B4GALT6: variants seen among roughly 807,000 people sequenced by gnomAD.
B4GALT6 encodes the protein beta-1,4-galactosyltransferase 6.
B4GALT6 carries 14 observed loss-of-function variants against 46.3 expected under a neutral mutation model. The observed-to-expected ratio is 0.30, with a 90% CI of 0.20 to 0.47. The LOEUF (loss-of-function observed/expected upper bound fraction) is 0.47, where lower values mean the gene tolerates loss of function less well. Ranked by LOEUF, B4GALT6 falls within the 20% of genes least tolerant of loss-of-function variation. B4GALT6 has a pLI of 0.99. For missense variants in B4GALT6, 386 were observed against 480.1 expected, an observed-to-expected ratio of 0.80 and a Z score of 1.83; for synonymous variants, 168 against 162.0, an observed-to-expected ratio of 1.04 and a Z score of -0.28.
chr18:31,630,854 G>T, intron 6 of B4GALT6, 105 bp downstream of exon 6: 1 of 1,224,798 alleles, frequency 8.2e-7, no homozygotes, highest in Non-Finnish European at 1.2e-6. Context: ...ATATTCTTGG[G>T]GTTCTTGAGT....
chr18:31,645,241 T>C, intron 4 of B4GALT6, 114 bp downstream of exon 4: 1 of 1,404,824 alleles, frequency 7.1e-7, no homozygotes, highest in African/African-American at 1.5e-5. Context: ...AAACTTTTGA[T>C]GTTTTAAATT....
At chr18:31,661,458 C>T (rs1334431744) in intron 2 of B4GALT6, among the ~76,000 whole-genome samples, 1 of 152,164 alleles carries the variant, frequency 6.6e-6, no homozygotes, top group Admixed American at 6.5e-5. Context: ...CTTAAAAATG[C>T]AAGAATATGA....
chr18:31,700,533 T>G, the B4GALT6 span, among the ~76,000 whole-genome samples: 1 of 151,442 alleles, frequency 6.6e-6, no homozygotes, highest in African/African-American at 2.4e-5. Flanking sequence ...CTCAGCTCAC[T>G]GCAAGCTCTA....
the B4GALT6 span, chr18:31,724,201 GGCGCCA>G: frequency 3.6e-6 from 1 of 274,100 alleles, no homozygotes; most frequent in Admixed American, 4.1e-5. Flanking sequence ...GGTTGCCAGG[GGCGCCA>G]GCGTCTCGGG....
the B4GALT6 span, among the ~76,000 whole-genome samples, chr18:31,693,428 T>A: frequency 6.6e-6 from 1 of 152,208 alleles, no homozygotes; most frequent in Non-Finnish European, 1.5e-5. Flanking sequence ...TTCTACTTTT[T>A]AAAATATCAT....
rs869030382 is a variant in B4GALT6 at position 31,629,447 on chromosome 18, A to ATTTTTTTTTTTTTT, written c.776+1498_776+1511dup. Among the ~76,000 whole-genome samples, 11 of 32,882 alleles carry ATTTTTTTTTTTTTT rather than the reference A, an allele frequency of 3.3e-4. 4 individuals carry two copies. Among genetic ancestry groups the ATTTTTTTTTTTTTT allele is most frequent in the Non-Finnish European group, 4.2e-4 (7 of 16,678 alleles). The allele number at this position is 32,882 out of a possible 152,430, so 21.6% of individuals were successfully genotyped here. ...ATTCTTAGTTTATATGCCCTTTATGATTTTTTTTTTTTTTTTTTTTTTTTT... is the reference window on the plus strand; with the variant it reads ...ATTCTTAGTTTATATGCCCTTTATGATTTTTTTTTTTTTTTTTTTTTTTTTTTTTTTTTTTTTTT... On this transcript the variant is annotated intron_variant, in intron 6 of 8. Transcript: ENST00000306851.
At chr18:31,666,708 A>G (rs990408912) in intron 1 of B4GALT6, among the ~76,000 whole-genome samples, 5 of 152,250 alleles carry the variant, frequency 3.3e-5, no homozygotes, top group African/African-American at 1.2e-4. Context: ...TTTATTACAG[A>G]TGCTCAATCC....
At chr18:31,652,240 C>T (rs1441439651) in intron 3 of B4GALT6, among the ~76,000 whole-genome samples, 1 of 152,208 alleles carries the variant, frequency 6.6e-6, no homozygotes, top group Non-Finnish European at 1.5e-5. Flanking sequence ...TTCTGACGCA[C>T]TTCTCAAGAG....
At position 31,625,715 on chromosome 18, in the gene B4GALT6, G is replaced by C. The variant is rs765279637; in HGVS notation, c.1048C>G (p.Leu350Val). ...TTTGGCCTATATATTAAATTGTTCA[G>C]TCCATCGATGTACTGACGCTCCTTG... Reference protein sequence around the residue: ...YSKERQYIDGLNNLIYRPKIL... With the variant: ...YSKERQYIDGVNNLIYRPKIL... The change falls in exon 9 of 9, where the codon CTG (leucine) becomes GTG (valine). Residue 350 changes from leucine (L) to valine (V), a missense_variant. Transcript: ENST00000306851. 7 of 1,612,552 alleles carry C rather than the reference G, an allele frequency of 4.3e-6. No individual in the cohort carries two copies. In the Admixed American group the frequency reaches 1.2e-4, roughly 27 times the overall value.
the B4GALT6 span, among the ~76,000 whole-genome samples, chr18:31,700,692 G>A: frequency 2.6e-5 from 4 of 152,070 alleles, no homozygotes; most frequent in Non-Finnish European, 2.9e-5. Context: ...TTCTGATCTC[G>A]TGATCTGCAT....
chr18:31,710,814 C>CCACACACA, the B4GALT6 span, among the ~76,000 whole-genome samples: 14,308 of 140,114 alleles, frequency 0.1, 831 homozygotes, highest in Middle Eastern at 0.16. Context: ...CCTGAATACA[C>CCACACACA]CACACACACA....
At chr18:31,629,447 ATTTTTTTTTTTTTTTTTTT>A (rs869030382) in intron 6 of B4GALT6, among the ~76,000 whole-genome samples, 11 of 32,882 alleles carry the variant, frequency 3.3e-4, no homozygotes, top group South Asian at 1.3e-3. Flanking sequence ...GCCCTTTATG[ATTTTTTTTTTTTTTTTTTT>A]TTTTTTTTTT....
intron 4 of B4GALT6, 29 bp from the exon 5 acceptor site, chr18:31,638,789 A>G: frequency 6.6e-7 from 1 of 1,516,672 alleles, no homozygotes; most frequent in Middle Eastern, 1.7e-4. Flanking sequence ...ATGTATGTAA[A>G]TAAATATATC....
chr18:31,721,461 AC>A, the B4GALT6 span, among the ~76,000 whole-genome samples: 28 of 152,336 alleles, frequency 1.8e-4, no homozygotes, highest in African/African-American at 6.3e-4. Flanking sequence ...ATAAAAACTT[AC>A]AAAAAAAATA....
At chr18:31,642,687 G>A (rs1340575220) in intron 4 of B4GALT6, among the ~76,000 whole-genome samples, 1 of 152,196 alleles carries the variant, frequency 6.6e-6, no homozygotes, top group Non-Finnish European at 1.5e-5. Flanking sequence ...CCTAGGAATT[G>A]CTGAAATTAC....
At chr18:31,653,435 C>CTTTTTTTTTTTTTT (rs5823819) in intron 3 of B4GALT6, among the ~76,000 whole-genome samples, 1 of 74,148 alleles carries the variant, frequency 1.3e-5, no homozygotes, top group Non-Finnish European at 2.4e-5. Flanking sequence ...AACCTTTTTT[C>CTTTTTTTTTTTTTT]TTTTTTTTTT....
the B4GALT6 span, among the ~76,000 whole-genome samples, chr18:31,706,155 A>T: frequency 6.6e-6 from 1 of 152,176 alleles, no homozygotes; most frequent in Non-Finnish European, 1.5e-5. Flanking sequence ...AAAAAAATAC[A>T]GCTCTGTTTA....
At chr18:31,716,078 TC>T in the B4GALT6 span, among the ~76,000 whole-genome samples, 29 of 152,304 alleles carry the variant, frequency 1.9e-4, no homozygotes, top group East Asian at 5.0e-3. Flanking sequence ...TCTTCTGGGT[TC>T]CCATTTCAAT....
At chr18:31,685,461 C>G (rs1416232575), upstream of B4GALT6, among the ~76,000 whole-genome samples, 2 of 151,418 alleles carry the variant, frequency 1.3e-5, no homozygotes, top group African/African-American at 4.8e-5. Context: ...CGCGCTCGCT[C>G]GGAACTCGGC....
Sources: allele counts gnomAD v4.1 joint callset (sites outside exome capture counted in the v4.1 genomes callset), GRCh38; gene constraint gnomAD v4.1.1; transcripts MANE v1.5; gene names NCBI Gene and HGNC (gene_info 2026-07-23, HGNC 2026-07-21).